Variants in MPG observed in about 807,000 individuals in gnomAD.
MPG encodes DNA-3-methyladenine glycosylase.
Under a neutral mutation model 31.7 loss-of-function variants are expected in MPG, and 33 were observed. The ratio of observed to expected loss-of-function variants is 1.04; its 90% CI spans 0.79 to 1.39. The LOEUF (loss-of-function observed/expected upper bound fraction) is 1.39. Ranked by LOEUF, MPG falls within the 40% of genes most tolerant of loss-of-function variation. The pLI is 0.00. For synonymous variants in MPG, 202 were observed against 169.2 expected, an observed-to-expected ratio of 1.19 and a Z score of -1.51; for missense variants, 455 against 415.5, an observed-to-expected ratio of 1.10 and a Z score of -0.83.
Position 83,077 on chromosome 16 carries a change from G to A in MPG, c.326G>A (p.Gly109Asp). The stretch of plus-strand genomic sequence containing the variant: ...GTCCTAGTCCGGCGACTTCCTAATG[G>A]CACAGAACTCCGAGGCCGCATCGTG... ...GQVLVRRLPN[G>D]TELRGRIVET... Residue 109 changes from glycine to aspartate, a missense_variant, in exon 3 of 4, where the codon GGC (glycine) becomes GAC (aspartate). Coordinates refer to ENST00000356432, the MANE Select transcript of MPG (RefSeq NM_001015052.3). 6.2e-7 allele frequency: 1 copy of A among 1,609,388 alleles called. No individual in the cohort carries two copies. Among genetic ancestry groups the A allele is most frequent in the Non-Finnish European group, 8.5e-7 (1 of 1,177,418 alleles).
chr16:79,775 C>A, intron 2 of MPG, 75 bp downstream of exon 2: 1 of 1,472,258 alleles, frequency 6.8e-7, no homozygotes, highest in Non-Finnish European at 9.1e-7. Context: ...CTGTCCGCTG[C>A]CTGCTGGATT....
intron 3 of MPG, among the ~76,000 whole-genome samples, chr16:83,740 C>CA (rs55674146): frequency 0.017 from 1,719 of 99,234 alleles, 25 homozygotes; most frequent in African/African-American, 0.05. Flanking sequence ...GACTCCATCT[C>CA]AAAAAAAAAA....
chr16:80,467 A>G (rs2141883825), intron 2 of MPG, among the ~76,000 whole-genome samples: 1 of 152,344 alleles, frequency 6.6e-6, no homozygotes, highest in African/African-American at 2.4e-5. Context: ...CTCATGGAGA[A>G]CAGAGAACAT....
upstream of MPG, chr16:77,020 T>A (rs1898107624): frequency 1.3e-5 from 2 of 152,178 alleles, no homozygotes; most frequent in African/African-American, 4.8e-5. Context: ...GGACCAGGTG[T>A]CACACTCATC....
At chr16:77,661 C>T (rs1898124116), upstream of MPG, among the ~76,000 whole-genome samples, 2 of 152,212 alleles carry the variant, frequency 1.3e-5, no homozygotes, top group African/African-American at 4.8e-5. Flanking sequence ...TCCCTCCTTC[C>T]TTCCCCCGAC....
intron 3 of MPG, among the ~76,000 whole-genome samples, chr16:85,179 C>T (rs1043659853): frequency 6.6e-6 from 1 of 152,212 alleles, no homozygotes; most frequent in African/African-American, 2.4e-5. Flanking sequence ...ATGGTGCAGG[C>T]TTGGAGGATG....
intron 2 of MPG, among the ~76,000 whole-genome samples, chr16:82,267 A>C (rs1319568409): frequency 6.7e-6 from 1 of 149,618 alleles, no homozygotes; most frequent in Non-Finnish European, 1.5e-5. Flanking sequence ...CGAGCATCTA[A>C]GCTCCAGTGC....
chr16:78,418 C>G, intron 1 of MPG, 85 bp downstream of exon 1: 2 of 1,094,504 alleles, frequency 1.8e-6, no homozygotes, highest in South Asian at 8.9e-5. Flanking sequence ...AGCGGGAGTG[C>G]CGGGGACGGG....
At chr16:81,489 A>G (rs933185896) in intron 2 of MPG, among the ~76,000 whole-genome samples, 1 of 152,126 alleles carries the variant, frequency 6.6e-6, no homozygotes, top group Non-Finnish European at 1.5e-5. Context: ...TCTCCCCTGG[A>G]CATGGCCTGG....
chr16:83,512 G>A (rs1008158285), intron 3 of MPG: 31 of 430,284 alleles, frequency 7.2e-5, no homozygotes, highest in Admixed American at 4.0e-4. Context: ...AGGCCGAGGC[G>A]GGCGGATCAC....
chr16:78,998 T>A, intron 1 of MPG: 1 of 1,387,008 alleles, frequency 7.2e-7, no homozygotes, highest in South Asian at 1.5e-5. Flanking sequence ...AGATCCTGTG[T>A]TTTGAATTCT....
In MPG at chr16:79,019, G is replaced by A. The variant is rs534680883; in HGVS notation, c.25-406G>A. On this transcript the variant is annotated intron_variant, in intron 1 of 3. Coordinates refer to ENST00000356432, the MANE Select transcript of MPG (RefSeq NM_001015052.3). ...TGTGTTTTGAATTCTGGCAAGGGTT[G>A]GATGAAAGGGCAGGGCTCCAGAAAC... 1.1e-5 allele frequency: 16 copies of A among 1,415,928 alleles called. No homozygotes were observed. In the Middle Eastern group the frequency reaches 7.9e-4, roughly 70 times the overall value. 87.7% of individuals were successfully genotyped at this position (1,415,928 alleles called of 1,614,324 possible). A position where few individuals can be genotyped will look rare whatever the true frequency, so the allele number is the denominator to read the frequency against.
chr16:85,335 A>C (rs922791355), intron 3 of MPG, 66 bp from the exon 4 acceptor site: 1 of 1,504,612 alleles, frequency 6.6e-7, no homozygotes, highest in Non-Finnish European at 8.9e-7. Context: ...GGATGTCTGG[A>C]TGTGTACTAG....
At chr16:80,925 G>A (rs1898221514) in intron 2 of MPG, among the ~76,000 whole-genome samples, 1 of 152,252 alleles carries the variant, frequency 6.6e-6, no homozygotes, top group Admixed American at 6.5e-5. Context: ...CAATACGTTT[G>A]TCTCTATTCA....
chr16:79,532 C>T lies in MPG; in HGVS notation c.132C>T (p.Ser44=), dbSNP rs2259275. ...CTGCAGAGCAGCCACACAGCTCGTC[C>T]GATGCAGCCCAGGCACCTTGCCCCA... The part of the protein sequence containing the change: ...QAPAEQPHSS[S]DAAQAPCPRE... The change falls in exon 2 of 4, where the codon TCC becomes TCT. Residue 44 remains serine (S), a synonymous_variant. Transcript: ENST00000356432. 471 of 1,612,976 alleles carry T rather than the reference C, an allele frequency of 2.9e-4. No homozygotes were observed. Among genetic ancestry groups the T allele is most frequent in the Non-Finnish European group, 3.6e-4 (421 of 1,179,972 alleles).
upstream of MPG, chr16:78,163 G>T (rs1898139533): frequency 4.9e-6 from 3 of 616,572 alleles, no homozygotes; most frequent in South Asian, 1.3e-4. Context: ...GCCAGTTCCC[G>T]GCGCTCACTG....
rs1898438976 is a variant in MPG, at chr16:85,787, C to T, written c.*10C>T. 1.4e-6 allele frequency: 2 copies of T among 1,475,152 alleles called. No individual in the cohort carries two copies. Among genetic ancestry groups the T allele is most frequent in the South Asian group, 1.5e-5 (1 of 66,978 alleles). The allele number at this position is 1,475,152 out of a possible 1,614,324, so 91.4% of individuals were successfully genotyped here. On this transcript the variant is annotated 3_prime_UTR_variant, in exon 4 of 4. Coordinates refer to ENST00000356432, the MANE Select transcript of MPG (RefSeq NM_001015052.3). ...GGACACACAGGCCTGAGCAAAGGGC[C>T]TGCCCAGACAAGATTTTTTAATTGT...
At chr16:79,291 G>T (rs1231968619) in intron 1 of MPG, 134 bp from the exon 2 acceptor site, 1 of 1,586,338 alleles carries the variant, frequency 6.3e-7, no homozygotes, top group Non-Finnish European at 8.6e-7. Context: ...ACAACCCACA[G>T]GATGGTCACC....
chr16:84,041 G>A (rs1471202360), intron 3 of MPG, among the ~76,000 whole-genome samples: 1 of 152,166 alleles, frequency 6.6e-6, no homozygotes, highest in African/African-American at 2.4e-5. Context: ...TGTTCTGTGT[G>A]AAGGAGCCAG....
Sources: allele counts gnomAD v4.1 joint callset (sites outside exome capture counted in the v4.1 genomes callset), GRCh38; gene constraint gnomAD v4.1.1; transcripts MANE v1.5; gene names NCBI Gene and HGNC (gene_info 2026-07-23, HGNC 2026-07-21).